Variants in TSHR observed in about 807,000 individuals in gnomAD.
TSHR encodes the protein thyroid stimulating hormone receptor, also known as thyrotropin receptor.
Under a neutral mutation model 64.1 loss-of-function variants are expected in TSHR, and 51 were observed. The observed-to-expected ratio is 0.80, with a 90% CI of 0.64 to 1.01. TSHR has a LOEUF of 1.01. TSHR is among the 50% of genes least tolerant of loss of function. The pLI is 0.00. For synonymous variants in TSHR, 361 were observed against 361.9 expected (o/e 1.00, Z 0.03); for missense variants, 877 against 942.8 (o/e 0.93, Z 0.91).
In TSHR at chr14:81,130,178, A is replaced by G. The variant is rs74067403; in HGVS notation, c.693-9501A>G. 5.6e-3 allele frequency among the ~76,000 whole-genome samples: 857 copies of G among 152,352 alleles called. 7 individuals carry two copies. The highest frequency in any genetic ancestry group is 0.02 in the African/African-American group (817 of 41,586). ...ATTCTTAGAAAATATTGAAATATTTATAATTTTAAAATATCCCTTCCTTCA... is the reference window on the plus strand; with the variant it reads ...ATTCTTAGAAAATATTGAAATATTTGTAATTTTAAAATATCCCTTCCTTCA... On this transcript the variant is annotated intron_variant, in intron 8 of 9. Coordinates refer to ENST00000298171, the MANE Select transcript of TSHR (RefSeq NM_000369.5).
intron 1 of TSHR, among the ~76,000 whole-genome samples, chr14:80,965,625 A>G (rs1419694548): frequency 6.6e-6 from 1 of 152,198 alleles, no homozygotes; most frequent in African/African-American, 2.4e-5. Context: ...CATTACATTA[A>G]TTAAAAAATA....
chr14:81,112,924 C>CA (rs947980955), intron 8 of TSHR, among the ~76,000 whole-genome samples: 6 of 152,134 alleles, frequency 3.9e-5, no homozygotes, highest in African/African-American at 1.4e-4. Context: ...AAGCTGTGAT[C>CA]AAAAAGATGA....
chr14:81,019,634 G>A lies in TSHR; in HGVS notation c.171-42514G>A, dbSNP rs563294288. 3.2e-4 allele frequency among the ~76,000 whole-genome samples: 45 copies of A among 139,740 alleles called. No homozygotes were observed. The East Asian group carries it at 4.3e-3, about 13-fold the overall frequency. 91.7% of individuals were successfully genotyped at this position (139,740 alleles called of 152,430 possible). The stretch of plus-strand genomic sequence containing the variant: ...AGCCTCCCACCCCCCAACAGGCCCC[G>A]GTGTGTGATGTTCCCCTCCCTGTGT... On this transcript the variant is annotated intron_variant, in intron 1 of 9. Transcript: ENST00000298171.
intron 1 of TSHR, among the ~76,000 whole-genome samples, chr14:80,966,281 G>A (rs756213225): frequency 1.1e-4 from 16 of 152,088 alleles, no homozygotes; most frequent in Non-Finnish European, 2.4e-4. Flanking sequence ...ATCTAAGGAC[G>A]GGCATAAATG....
chr14:81,100,173 A>T (rs184503996), intron 7 of TSHR, among the ~76,000 whole-genome samples: 12 of 152,302 alleles, frequency 7.9e-5, no homozygotes, highest in Non-Finnish European at 1.0e-4. Flanking sequence ...GAAATTTATG[A>T]TCTTATAAAG....
intron 1 of TSHR, among the ~76,000 whole-genome samples, chr14:81,043,558 C>A (rs921622781): frequency 2.6e-5 from 4 of 152,252 alleles, no homozygotes; most frequent in African/African-American, 9.6e-5. Flanking sequence ...CTACCATTGA[C>A]ATGCTACACA....
intron 3 of TSHR, among the ~76,000 whole-genome samples, chr14:81,081,418 GA>G (rs1566800255): frequency 6.6e-6 from 1 of 152,046 alleles, no homozygotes; most frequent in Admixed American, 6.5e-5. Context: ...AAGTATGGGG[GA>G]GGGGCGCAGA....
chr14:81,000,264 T>TAATACCACCCCAGAAATCAGTTGC (rs71103893), intron 1 of TSHR, among the ~76,000 whole-genome samples: 71,627 of 151,776 alleles, frequency 0.47, 17,226 homozygotes, highest in East Asian at 0.58. Flanking sequence ...ACTGACATTG[T>TAATACCACCCCAGAAATCAGTTGC]AAACCAGAAT....
intron 1 of TSHR, among the ~76,000 whole-genome samples, chr14:80,960,102 G>A (rs553716137): frequency 5.3e-5 from 8 of 152,222 alleles, no homozygotes; most frequent in Admixed American, 2.0e-4. Context: ...GTATTAAAGA[G>A]ATAACAATCT....
chr14:81,056,094 G>A (rs1178408907), intron 1 of TSHR, among the ~76,000 whole-genome samples: 4 of 152,134 alleles, frequency 2.6e-5, no homozygotes, highest in Non-Finnish European at 5.9e-5. Flanking sequence ...TCTCATGATA[G>A]TGAATAAGCC....
At chr14:80,971,450 G>A (rs989293439) in intron 1 of TSHR, among the ~76,000 whole-genome samples, 2 of 152,202 alleles carry the variant, frequency 1.3e-5, no homozygotes, top group Non-Finnish European at 2.9e-5. Context: ...ATCAAGAAGA[G>A]AACACATTCA....
At chr14:80,998,344 C>T (rs1254179717) in intron 1 of TSHR, among the ~76,000 whole-genome samples, 2 of 151,906 alleles carry the variant, frequency 1.3e-5, no homozygotes, top group African/African-American at 4.8e-5. Context: ...TGCTGGAAAT[C>T]GAATGCTGAA....
chr14:81,005,197 T>TTG (rs71103894), intron 1 of TSHR, among the ~76,000 whole-genome samples: 5,083 of 149,684 alleles, frequency 0.034, 203 homozygotes, highest in African/African-American at 0.1. Context: ...ACTCAAGCCT[T>TTG]TGTGTGTGTG....
At chr14:81,029,390 T>A (rs895556932) in intron 1 of TSHR, among the ~76,000 whole-genome samples, 1 of 152,076 alleles carries the variant, frequency 6.6e-6, no homozygotes, top group African/African-American at 2.4e-5. Flanking sequence ...GGAGTTTAGA[T>A]CATATAGCAT....
Position 81,139,720 on chromosome 14 carries a change from G to T in TSHR, c.734G>T (p.Gly245Val), listed in dbSNP as rs367689489. Residue 245 changes from glycine to valine, a missense_variant, in exon 9 of 10, where the codon GGC becomes GTC. Physicochemically the swap from Gly to Val is moderately radical, Grantham distance 109. Transcript: ENST00000298171. ...QTSVTALPSK[G>V]LEHLKELIAR... ...AGTGTCACTGCCCTTCCATCCAAAG[G>T]CCTGGAGCACCTGAAGGAACTGATA... 4 of 1,614,034 alleles carry T rather than the reference G, an allele frequency of 2.5e-6. No homozygotes were observed.
At chr14:81,008,234 A>G (rs76014352) in intron 1 of TSHR, among the ~76,000 whole-genome samples, 3,418 of 148,568 alleles carry the variant, frequency 0.023, 49 homozygotes, top group Non-Finnish European at 0.034. Context: ...GTGCAGTGGC[A>G]TGATCTCGGC....
intron 1 of TSHR, chr14:80,992,743 T>C (rs1166393031): frequency 6.6e-6 from 1 of 152,242 alleles, no homozygotes; most frequent in Admixed American, 6.5e-5. Context: ...ACCCTACATT[T>C]GACTCTAAAT....
chr14:81,084,000 C>T (rs181388529), intron 3 of TSHR, among the ~76,000 whole-genome samples: 125 of 152,276 alleles, frequency 8.2e-4, no homozygotes, highest in African/African-American at 2.9e-3. Context: ...GATCTAATCA[C>T]CTCCCGCGAG....
At chr14:81,142,256 T>C (rs1020772576) in intron 9 of TSHR, among the ~76,000 whole-genome samples, 2 of 152,152 alleles carry the variant, frequency 1.3e-5, no homozygotes, top group Non-Finnish European at 2.9e-5. Context: ...AATTTTTGGA[T>C]TTTCAGTAGA....
Sources: gnomAD v4.1 joint callset for allele counts (sites outside exome capture counted in the v4.1 genomes callset) on GRCh38, gnomAD v4.1.1 for gene constraint, MANE v1.5 for transcripts, NCBI Gene and HGNC (gene_info 2026-07-23, HGNC 2026-07-21) for gene names.